Variants in SATL1 observed in about 807,000 individuals in gnomAD.
The protein encoded by SATL1 is spermidine/spermine N1-acetyl transferase like 1.
In SATL1, 47 loss-of-function variants were observed where a neutral mutation model predicts 51.8. The ratio of observed to expected loss-of-function variants is 0.91; its 90% confidence interval spans 0.72 to 1.16. SATL1 has a LOEUF of 1.16. Ranked by LOEUF, SATL1 falls within the 50% of genes most tolerant of loss-of-function variation. The probability of loss-of-function intolerance (pLI) is 0.00; values close to 1 mark genes in which losing one functional copy is unlikely to be tolerated. For synonymous variants in SATL1, 176 were observed against 182.4 expected (o/e 0.97, Z 0.28); for missense variants, 520 against 526.4 (o/e 0.99, Z 0.12).
At chrX:85,240,967 T>C (rs1928580009) in intron 1 of SATL1, among the ~76,000 whole-genome samples, 1 of 110,145 alleles carries the variant, frequency 9.1e-6, no homozygotes, top group East Asian at 2.9e-4. Context: ...ACCCCTGCTC[T>C]CTGACACAAT....
intron 2 of SATL1, among the ~76,000 whole-genome samples, chrX:85,177,330 ATAT>A (rs1405274941): frequency 1.8e-5 from 2 of 112,137 alleles, no homozygotes. Context: ...AGTCAAAGTA[ATAT>A]GAGAACTCAC....
chrX:85,101,968 C>A (rs975022736), intron 4 of SATL1, among the ~76,000 whole-genome samples: 30 of 109,683 alleles, frequency 2.7e-4, no homozygotes, highest in African/African-American at 9.9e-4. Flanking sequence ...CTAGAATAGA[C>A]AAATTTGTAG....
rs756091747 is a variant in SATL1, at chrX:85,128,808, C to T, written c.-312-19528G>A. Among the ~76,000 whole-genome samples the T allele has an allele frequency of 4.6e-3, 509 of 111,627 alleles. 2 individuals are homozygous for T. The highest frequency in any genetic ancestry group is 9.2e-3 in the Admixed American group (96 of 10,488). ...TAACATTTAAGTCCTTAATCCATCT[C>T]GAATTAATTTTTGTATAAGGTGTAA... On this transcript the variant is annotated intron_variant, in intron 2 of 7. Transcript: ENST00000644105.
chrX:85,132,694 C>G (rs1490574750), intron 2 of SATL1, among the ~76,000 whole-genome samples: 1 of 111,942 alleles, frequency 8.9e-6, no homozygotes, highest in African/African-American at 3.2e-5. Flanking sequence ...TGTTCTGTTG[C>G]TGGCATGGAG....
At chrX:85,202,464 A>G (rs991223997) in intron 2 of SATL1, among the ~76,000 whole-genome samples, 2 of 111,325 alleles carry the variant, frequency 1.8e-5, no homozygotes, top group African/African-American at 6.5e-5. Flanking sequence ...CAGTGCTCTG[A>G]AAGTGTGGGT....
chrX:85,171,560 T>A (rs16980153), intron 2 of SATL1, among the ~76,000 whole-genome samples: 26,259 of 110,482 alleles, frequency 0.24, 3,279 homozygotes, highest in African/African-American at 0.48. Context: ...CAACCTGAAA[T>A]GAGAAGATAT....
At chrX:85,163,169 C>T (rs1168166690) in intron 2 of SATL1, among the ~76,000 whole-genome samples, 1 of 98,692 alleles carries the variant, frequency 1.0e-5, no homozygotes, top group Non-Finnish European at 2.0e-5. Flanking sequence ...TCCATCTGGT[C>T]CTGGAGTTTT....
At chrX:85,172,108 T>A (rs1345651011) in intron 2 of SATL1, among the ~76,000 whole-genome samples, 1 of 111,482 alleles carries the variant, frequency 9.0e-6, no homozygotes, top group African/African-American at 3.2e-5. Flanking sequence ...TATATCTTCT[T>A]TCCTTCAATT....
intron 2 of SATL1, among the ~76,000 whole-genome samples, chrX:85,122,345 G>A (rs190769280): frequency 8.9e-6 from 1 of 111,836 alleles, no homozygotes; most frequent in East Asian, 2.8e-4. Flanking sequence ...TTATTAAAAT[G>A]TAGATTCCTG....
intron 3 of SATL1, among the ~76,000 whole-genome samples, chrX:85,105,409 C>T (rs1870041863): frequency 9.0e-6 from 1 of 111,193 alleles, no homozygotes; most frequent in Non-Finnish European, 1.9e-5. Flanking sequence ...ATATAATCTT[C>T]CCCTAATATG....
At chrX:85,176,907 C>T (rs1043309950) in intron 2 of SATL1, among the ~76,000 whole-genome samples, 1 of 111,554 alleles carries the variant, frequency 9.0e-6, no homozygotes, top group Admixed American at 9.5e-5. Flanking sequence ...CCAAGGTTAA[C>T]ATTACTAGTA....
intron 1 of SATL1, among the ~76,000 whole-genome samples, chrX:85,227,675 C>T (rs1020296885): frequency 1.8e-5 from 2 of 111,104 alleles, no homozygotes; most frequent in South Asian, 3.7e-4. Flanking sequence ...ACAAATGGTT[C>T]GGTTTTATCA....
At chrX:85,223,401 T>G (rs939082315) in intron 2 of SATL1, among the ~76,000 whole-genome samples, 1 of 111,164 alleles carries the variant, frequency 9.0e-6, no homozygotes, top group African/African-American at 3.3e-5. Flanking sequence ...TCAAAAAAGA[T>G]ATTAGTTAAG....
intron 2 of SATL1, among the ~76,000 whole-genome samples, chrX:85,220,337 C>T (rs1905862458): frequency 9.1e-6 from 1 of 109,401 alleles, no homozygotes; most frequent in Non-Finnish European, 1.9e-5. Flanking sequence ...GCCACAGGGA[C>T]TACAACTCTT....
chrX:85,126,806 C>T (rs1045944163), intron 2 of SATL1, among the ~76,000 whole-genome samples: 5 of 109,692 alleles, frequency 4.6e-5, no homozygotes, highest in African/African-American at 1.3e-4. Flanking sequence ...GAGTACCAAA[C>T]GATGGCCTTT....
At chrX:85,118,103 T>TTTTTTTTTTTTTTTTTTTTTC (rs1925425660) in intron 2 of SATL1, among the ~76,000 whole-genome samples, 1 of 98,470 alleles carries the variant, frequency 1.0e-5, no homozygotes, top group Non-Finnish European at 2.1e-5. Context: ...TTTTTTTTTT[T>TTTTTTTTTTTTTTTTTTTTTC]CCAGAGTGCA....
chrX:85,149,530 C>A (rs1602870175), intron 2 of SATL1, among the ~76,000 whole-genome samples: 1 of 111,538 alleles, frequency 9.0e-6, no homozygotes, highest in Non-Finnish European at 1.9e-5. Flanking sequence ...AACAACACAC[C>A]ACACCTATTC....
chrX:85,208,829 T>C (rs1335840888), intron 2 of SATL1: 1 of 111,260 alleles, frequency 9.0e-6, no homozygotes, highest in Non-Finnish European at 1.9e-5. Flanking sequence ...TGTAAAATTT[T>C]TCTCCCATTC....
intron 2 of SATL1, among the ~76,000 whole-genome samples, chrX:85,139,531 C>A (rs747814212): frequency 9.0e-6 from 1 of 110,799 alleles, no homozygotes; most frequent in Non-Finnish European, 1.9e-5. Flanking sequence ...ATACTTAACC[C>A]TACCATAAAT....
Sources: allele counts gnomAD v4.1 joint callset (sites outside exome capture counted in the v4.1 genomes callset), GRCh38; gene constraint gnomAD v4.1.1; transcripts MANE v1.5; gene names NCBI Gene and HGNC (gene_info 2026-07-23, HGNC 2026-07-21).